Variants in DNAJC25 observed in about 807,000 individuals in gnomAD.
The protein encoded by DNAJC25 is dnaJ homolog subfamily C member 25.
DNAJC25 carries 26 observed loss-of-function variants against 42.1 expected under a neutral mutation model. The observed-to-expected ratio is 0.62, with a 90% CI of 0.45 to 0.86. DNAJC25 has a LOEUF of 0.86. Ranked by LOEUF, DNAJC25 falls within the 40% of genes least tolerant of loss-of-function variation. DNAJC25 has a pLI of 0.00. For synonymous variants in DNAJC25, 189 were observed against 179.9 expected (o/e 1.05, Z -0.40); for missense variants, 404 against 459.4 (o/e 0.88, Z 1.10).
chr9:111,647,970 G>A (rs1830592979), intron 2 of DNAJC25, among the ~76,000 whole-genome samples: 1 of 152,032 alleles, frequency 6.6e-6, no homozygotes, highest in Non-Finnish European at 1.5e-5. Context: ...GTAGAGACGG[G>A]GTTTCACCAT....
rs1356716228 is a variant in DNAJC25 at position 111,631,365 on chromosome 9, C to G, written c.-43C>G. 3 of 1,272,182 alleles carry G rather than the reference C, an allele frequency of 2.4e-6. No homozygotes were observed. Among genetic ancestry groups the G allele is most frequent in the Non-Finnish European group, 3.0e-6 (3 of 1,013,424 alleles). The allele number at this position is 1,272,182 out of a possible 1,614,324, so 78.8% of individuals were successfully genotyped here. The stretch of plus-strand genomic sequence containing the variant: ...GACTAGCCGGGCGCGCGGCTGAGTG[C>G]TGCAGAATCGCTGGGGTGGCAGAGC... On this transcript the variant is annotated 5_prime_UTR_variant, in exon 1 of 4. Coordinates refer to ENST00000313525, the MANE Select transcript of DNAJC25 (RefSeq NM_001015882.3).
intron 1 of DNAJC25, among the ~76,000 whole-genome samples, chr9:111,645,461 G>A (rs1306059725): frequency 6.6e-6 from 1 of 152,074 alleles, no homozygotes; most frequent in African/African-American, 2.4e-5. Flanking sequence ...TGCCATGTTG[G>A]CCAGGCTGGT....
chr9:111,633,994 A>C (rs1830329184), intron 1 of DNAJC25, among the ~76,000 whole-genome samples: 1 of 152,178 alleles, frequency 6.6e-6, no homozygotes, highest in East Asian at 1.9e-4. Context: ...GGAACAGGGG[A>C]GTGGAAGTGG....
chr9:111,632,893 G>T (rs1830308083), intron 1 of DNAJC25, among the ~76,000 whole-genome samples: 1 of 152,128 alleles, frequency 6.6e-6, no homozygotes, highest in East Asian at 1.9e-4. Context: ...GAGTGGTGGA[G>T]GGGCGGGCCC....
Position 111,653,965 on chromosome 9 carries a change from G to A in DNAJC25, c.*743G>A, listed in dbSNP as rs1830704941. On this transcript the variant is annotated 3_prime_UTR_variant, in exon 4 of 4. Transcript: ENST00000313525. ...TGTATTCTCAACATTTCTCCAGAAA[G>A]GACCTTGTAAAAAGGTCTTTTGTAC... 1 of 152,396 alleles carries A rather than the reference G, an allele frequency of 6.6e-6. No individual in the cohort carries two copies. Among genetic ancestry groups the A allele is most frequent in the Admixed American group, 6.6e-5 (1 of 15,248 alleles). The allele number at this position is 152,396 out of a possible 1,614,324, so 9.4% of individuals were successfully genotyped here.
At chr9:111,650,857 G>T (rs1589349097) in intron 3 of DNAJC25, among the ~76,000 whole-genome samples, 1 of 152,070 alleles carries the variant, frequency 6.6e-6, no homozygotes, top group East Asian at 1.9e-4. Flanking sequence ...ATTTCATTTT[G>T]TATGTGATGT....
intron 1 of DNAJC25, among the ~76,000 whole-genome samples, chr9:111,635,022 C>T (rs190808357): frequency 1.3e-5 from 2 of 152,322 alleles, no homozygotes; most frequent in African/African-American, 4.8e-5. Context: ...GCTTTATAAA[C>T]TAAGACCATG....
chr9:111,641,765 A>C, intron 1 of DNAJC25, among the ~76,000 whole-genome samples: 1 of 112,610 alleles, frequency 8.9e-6, no homozygotes, highest in Admixed American at 9.3e-5. Context: ...GGAAGTGAGG[A>C]GCCCCTCTGC....
At chr9:111,632,176 G>C (rs918104070) in intron 1 of DNAJC25, among the ~76,000 whole-genome samples, 1 of 152,196 alleles carries the variant, frequency 6.6e-6, no homozygotes, top group Admixed American at 6.5e-5. Context: ...AGTGTTAATG[G>C]TGACGCTTAG....
In DNAJC25 at chr9:111,649,749, G is replaced by T; in HGVS notation, c.786G>T (p.Trp262Cys). The T allele has an allele frequency of 2.5e-6, 4 of 1,614,000 alleles. No homozygotes were observed. The highest frequency in any genetic ancestry group is 3.4e-6 in the Non-Finnish European group (4 of 1,180,008). ...APFHLCSYIVWYCRWIYNFNI... is the reference protein window; with the variant it reads ...APFHLCSYIVCYCRWIYNFNI... Reference sequence around the variant, plus strand: ...TTCACCTATGCTCATATATAGTTTGGTATTGTCGGTGGATCTATAATTTTA... The same window carrying T: ...TTCACCTATGCTCATATATAGTTTGTTATTGTCGGTGGATCTATAATTTTA... The change falls in exon 3 of 4, where the codon TGG becomes TGT. Residue 262 changes from tryptophan to cysteine, a missense_variant. Coordinates refer to ENST00000313525, the MANE Select transcript of DNAJC25 (RefSeq NM_001015882.3).
At chr9:111,639,385 A>G (rs1041451068) in intron 1 of DNAJC25, among the ~76,000 whole-genome samples, 3 of 152,230 alleles carry the variant, frequency 2.0e-5, no homozygotes, top group African/African-American at 7.2e-5. Context: ...TGAGATATTT[A>G]TGTTGCATTT....
chr9:111,631,586 C>G lies in DNAJC25; in HGVS notation c.179C>G (p.Ala60Gly). Residue 60 changes from alanine to glycine, a missense_variant, in exon 1 of 4, where the codon GCG (alanine) becomes GGG (glycine). By Grantham distance (60) the Ala-to-Gly change is moderately conservative (BLOSUM62 0). Transcript: ENST00000313525. ...GAGGTGCTGGGCGTGAGCCGCTCGGCGGGCAAGGCGGAGATCGCGCGGGCC... is the reference window on the plus strand; with the variant it reads ...GAGGTGCTGGGCGTGAGCCGCTCGGGGGGCAAGGCGGAGATCGCGCGGGCC... ...CYEVLGVSRS[A>G]GKAEIARAYR... is the part of the protein sequence containing the mutation. 6.8e-7 allele frequency: 1 copy of G among 1,460,920 alleles called. No homozygotes were observed. Among genetic ancestry groups the G allele is most frequent in the Non-Finnish European group, 9.0e-7 (1 of 1,115,268 alleles). The allele number at this position is 1,460,920 out of a possible 1,614,324, so 90.5% of individuals were successfully genotyped here.
intron 1 of DNAJC25, among the ~76,000 whole-genome samples, chr9:111,639,686 TGTGTGTGTGTGTGTGTATGG>T (rs1830415489): frequency 7.0e-6 from 1 of 142,340 alleles, no homozygotes; most frequent in South Asian, 2.1e-4. Flanking sequence ...TTCAAAAAAA[TGTGTGTGTGTGTGTGTATGG>T]GTGTGTGTGT....
chr9:111,640,771 A>G (rs1589343062), intron 1 of DNAJC25, among the ~76,000 whole-genome samples: 8 of 104,470 alleles, frequency 7.7e-5, no homozygotes, highest in African/African-American at 3.5e-4. Flanking sequence ...TCCGCCCAGC[A>G]GCCACCCCAT....
intron 1 of DNAJC25, among the ~76,000 whole-genome samples, chr9:111,639,167 ATTC>A (rs1830406811): frequency 6.6e-6 from 1 of 152,112 alleles, no homozygotes; most frequent in Non-Finnish European, 1.5e-5. Flanking sequence ...TGCTTGCTAG[ATTC>A]TTCTTCTAGA....
intron 1 of DNAJC25, among the ~76,000 whole-genome samples, chr9:111,632,735 C>A (rs1830305133): frequency 6.6e-6 from 1 of 151,276 alleles, no homozygotes; most frequent in South Asian, 2.1e-4. Flanking sequence ...TGCCAGGTAG[C>A]CTGCTTTTAA....
intron 1 of DNAJC25, among the ~76,000 whole-genome samples, chr9:111,635,125 T>C (rs183037882): frequency 6.8e-4 from 104 of 152,340 alleles, no homozygotes; most frequent in Non-Finnish European, 1.4e-3. Context: ...TGTGTCAACA[T>C]TGGATCTCAT....
chr9:111,649,593 C>T lies in DNAJC25; in HGVS notation c.630C>T (p.Ser210=). 6.2e-7 allele frequency: 1 copy of T among 1,613,876 alleles called. No homozygotes were observed. Among genetic ancestry groups the T allele is most frequent in the South Asian group, 1.1e-5 (1 of 91,058 alleles). ...AAGAAAAAGGCAAAAACAAAAAGTC[C>T]AAAGAAGAAATTCGTGACGAGGAGG... ...KAKEKGKNKK[S]KEEIRDEEEN... Residue 210 remains serine, a synonymous_variant, in exon 3 of 4, where the codon TCC becomes TCT. Transcript: ENST00000313525.
At chr9:111,642,800 C>G (rs1466633613) in intron 1 of DNAJC25, 2 of 469,488 alleles carry the variant, frequency 4.3e-6, no homozygotes, top group South Asian at 1.6e-5. Flanking sequence ...TCAGTACTTT[C>G]TTTGCTTGTG....
Sources: allele counts gnomAD v4.1 joint callset (sites outside exome capture counted in the v4.1 genomes callset), GRCh38; gene constraint gnomAD v4.1.1; transcripts MANE v1.5; gene names NCBI Gene and HGNC (gene_info 2026-07-23, HGNC 2026-07-21).